Variants in MACROD2 observed in about 807,000 individuals in gnomAD.
MACROD2 encodes the protein mono-ADP ribosylhydrolase 2.
Under a neutral mutation model 70.4 loss-of-function variants are expected in MACROD2, and 36 were observed. The observed-to-expected ratio is 0.51, with a 90% CI of 0.39 to 0.68. MACROD2 has a LOEUF of 0.68. Among genes scored for constraint, MACROD2 ranks in the 30% least tolerant of loss-of-function variants. The pLI, the probability that MACROD2 is intolerant of heterozygous loss-of-function variation, is 0.00. For synonymous variants in MACROD2, 172 were observed against 178.8 expected (o/e 0.96, Z 0.30); for missense variants, 496 against 538.4 (o/e 0.92, Z 0.78).
intron 5 of MACROD2, among the ~76,000 whole-genome samples, chr20:15,220,535 A>G (rs979865143): frequency 6.6e-6 from 1 of 152,266 alleles, no homozygotes; most frequent in Non-Finnish European, 1.5e-5. Context: ...TGCCTAAGGC[A>G]GGATGCCATA....
intron 3 of MACROD2, among the ~76,000 whole-genome samples, chr20:14,415,168 A>C (rs2083790447): frequency 6.6e-6 from 1 of 152,198 alleles, no homozygotes; most frequent in Non-Finnish European, 1.5e-5. Flanking sequence ...CAGCAGAATA[A>C]AAACACGAAA....
At chr20:14,042,992 C>T (rs866666985) in intron 2 of MACROD2, among the ~76,000 whole-genome samples, 78 of 149,532 alleles carry the variant, frequency 5.2e-4, no homozygotes, top group African/African-American at 1.8e-3. Context: ...GAACACAGCT[C>T]ACCACAGCCT....
At chr20:14,216,493 T>C (rs1299125047) in intron 3 of MACROD2, among the ~76,000 whole-genome samples, 4 of 152,180 alleles carry the variant, frequency 2.6e-5, no homozygotes, top group African/African-American at 9.7e-5. Context: ...TGCAGGCTCT[T>C]TTTTGGTTTC....
chr20:14,366,144 A>G (rs961983316), intron 3 of MACROD2, among the ~76,000 whole-genome samples: 2 of 152,090 alleles, frequency 1.3e-5, no homozygotes, highest in Non-Finnish European at 2.9e-5. Flanking sequence ...CAAGGCCTGT[A>G]TTTCCTTATT....
intron 3 of MACROD2, among the ~76,000 whole-genome samples, chr20:14,195,928 C>T (rs1601335581): frequency 6.6e-6 from 1 of 152,192 alleles, no homozygotes; most frequent in African/African-American, 2.4e-5. Flanking sequence ...AGCCCTCTGT[C>T]CCTACGATAA....
At chr20:15,963,964 T>G (rs2147398568) in intron 12 of MACROD2, among the ~76,000 whole-genome samples, 1 of 152,310 alleles carries the variant, frequency 6.6e-6, no homozygotes, top group Admixed American at 6.5e-5. Flanking sequence ...AAATATGACA[T>G]TGACCTTAAA....
intron 2 of MACROD2, among the ~76,000 whole-genome samples, chr20:14,044,905 C>T (rs368421022): frequency 1.3e-5 from 2 of 152,172 alleles, no homozygotes; most frequent in Non-Finnish European, 2.9e-5. Context: ...GCTCGGGCCA[C>T]GCAGGAGCCC....
At chr20:15,215,616 G>A (rs6079708) in intron 5 of MACROD2, among the ~76,000 whole-genome samples, 1 of 151,894 alleles carries the variant, frequency 6.6e-6, no homozygotes, top group Non-Finnish European at 1.5e-5. Context: ...AAAGTGTGAA[G>A]GCATATGTTA....
At chr20:14,256,635 C>G (rs921194077) in intron 3 of MACROD2, among the ~76,000 whole-genome samples, 1 of 152,084 alleles carries the variant, frequency 6.6e-6, no homozygotes, top group Non-Finnish European at 1.5e-5. Context: ...GAGATGCTAG[C>G]CTATTTAAGA....
chr20:14,377,306 T>A (rs2083380895), intron 3 of MACROD2, among the ~76,000 whole-genome samples: 1 of 152,196 alleles, frequency 6.6e-6, no homozygotes. Context: ...GGGCATTCAA[T>A]GCTTCATTTA....
At chr20:15,398,069 G>T (rs1013133398) in intron 6 of MACROD2, among the ~76,000 whole-genome samples, 1 of 152,004 alleles carries the variant, frequency 6.6e-6, no homozygotes, top group African/African-American at 2.4e-5. Context: ...GCAACAAGAA[G>T]GCTGAATATT....
chr20:15,117,464 T>C (rs1176998272), intron 5 of MACROD2, among the ~76,000 whole-genome samples: 1 of 152,172 alleles, frequency 6.6e-6, no homozygotes, highest in Admixed American at 6.5e-5. Flanking sequence ...TTTACATACA[T>C]TCTAGAGTAG....
chr20:14,752,604 A>G (rs192306931), intron 5 of MACROD2, among the ~76,000 whole-genome samples: 136 of 152,232 alleles, frequency 8.9e-4, no homozygotes, highest in East Asian at 1.9e-4. Flanking sequence ...GAAAAATCTT[A>G]TTGAAAAGCA....
chr20:15,202,803 G>C (rs2076667989), intron 5 of MACROD2, among the ~76,000 whole-genome samples: 1 of 152,146 alleles, frequency 6.6e-6, no homozygotes, highest in African/African-American at 2.4e-5. Context: ...CATCAGGTTA[G>C]AGTATGTCAG....
intron 5 of MACROD2, among the ~76,000 whole-genome samples, chr20:14,847,295 T>C (rs1441133336): frequency 2.6e-5 from 4 of 152,184 alleles, no homozygotes; most frequent in Non-Finnish European, 5.9e-5. Flanking sequence ...TGTTTATTTA[T>C]GCATTTATTT....
chr20:15,361,864 T>C (rs2078355223), intron 6 of MACROD2, among the ~76,000 whole-genome samples: 1 of 152,192 alleles, frequency 6.6e-6, no homozygotes, highest in Non-Finnish European at 1.5e-5. Flanking sequence ...TGTTCATTTA[T>C]AGCATGCAGA....
chr20:15,508,901 A>C (rs1350537818), intron 8 of MACROD2, among the ~76,000 whole-genome samples: 1 of 152,236 alleles, frequency 6.6e-6, no homozygotes, highest in African/African-American at 2.4e-5. Flanking sequence ...TGTTGGCTCA[A>C]GTGAAGAACC....
At chr20:15,912,979 T>G (rs2065258743) in intron 10 of MACROD2, among the ~76,000 whole-genome samples, 1 of 152,198 alleles carries the variant, frequency 6.6e-6, no homozygotes, top group Non-Finnish European at 1.5e-5. Flanking sequence ...GATCTGGGTT[T>G]GAATCCCAGC....
chr20:14,261,378 A>C (rs145517873), intron 3 of MACROD2, among the ~76,000 whole-genome samples: 280 of 152,250 alleles, frequency 1.8e-3, no homozygotes, highest in African/African-American at 6.2e-3. Flanking sequence ...TCTTTTTTCT[A>C]CTTTCGCATT....
Sources: gnomAD v4.1 joint callset for allele counts (sites outside exome capture counted in the v4.1 genomes callset) on GRCh38, gnomAD v4.1.1 for gene constraint, MANE v1.5 for transcripts, NCBI Gene and HGNC (gene_info 2026-07-23, HGNC 2026-07-21) for gene names.